Variants in HTR1F observed in about 807,000 individuals in gnomAD.
HTR1F encodes the protein 5-hydroxytryptamine receptor 1F.
A neutral mutation model predicts 24.0 loss-of-function variants in HTR1F; 17 were observed. That is an observed-to-expected ratio of 0.71 (90% confidence interval 0.48 to 1.06). The LOEUF (loss-of-function observed/expected upper bound fraction) is 1.06. Among genes scored for constraint, HTR1F ranks in the 50% least tolerant of loss-of-function variants. The probability of loss-of-function intolerance (pLI) is 0.00; values close to 1 mark genes in which losing one functional copy is unlikely to be tolerated. For missense variants in HTR1F, 391 were observed against 427.8 expected (o/e 0.91, Z 0.76); for synonymous variants, 186 against 156.8 (o/e 1.19, Z -1.39).
intron 1 of HTR1F, among the ~76,000 whole-genome samples, chr3:87,820,331 T>C (rs1344076462): frequency 5.3e-5 from 8 of 151,268 alleles, no homozygotes; most frequent in Non-Finnish European, 7.4e-5. Context: ...CGCCCGCCAC[T>C]ACGCCCGGCT....
chr3:87,854,103 G>A (rs907460285), intron 2 of HTR1F, among the ~76,000 whole-genome samples: 3 of 151,516 alleles, frequency 2.0e-5, no homozygotes, highest in East Asian at 1.9e-4. Flanking sequence ...CACTTTGTTC[G>A]TTTCTTCTTA....
chr3:87,931,531 C>A (rs1487348435), intron 2 of HTR1F, among the ~76,000 whole-genome samples: 1 of 152,062 alleles, frequency 6.6e-6, no homozygotes, highest in Non-Finnish European at 1.5e-5. Context: ...GTCTTTATAG[C>A]AGCATGATTT....
At chr3:87,990,078 A>C (rs567442592) in intron 2 of HTR1F, among the ~76,000 whole-genome samples, 98 of 152,288 alleles carry the variant, frequency 6.4e-4, no homozygotes, top group Non-Finnish European at 1.0e-3. Context: ...TCTCCTGCTA[A>C]ATCGTAAAGG....
At chr3:87,933,117 A>G (rs1339207767) in intron 2 of HTR1F, among the ~76,000 whole-genome samples, 2 of 151,736 alleles carry the variant, frequency 1.3e-5, no homozygotes, top group Admixed American at 1.3e-4. Flanking sequence ...TGATTATCTC[A>G]ATAGATGCAG....
chr3:87,891,301 T>TAA (rs142998497), intron 2 of HTR1F, among the ~76,000 whole-genome samples: 6 of 151,876 alleles, frequency 4.0e-5, no homozygotes, highest in African/African-American at 1.5e-4. Context: ...TTTGTTAAAA[T>TAA]AAAAAAAATG....
intron 2 of HTR1F, among the ~76,000 whole-genome samples, chr3:87,825,349 C>A (rs1356308867): frequency 2.0e-5 from 3 of 152,146 alleles, no homozygotes; most frequent in Non-Finnish European, 4.4e-5. Flanking sequence ...ATATTAATTA[C>A]CACAAATATA....
intron 2 of HTR1F, among the ~76,000 whole-genome samples, chr3:87,933,893 C>G (rs537130813): frequency 6.6e-6 from 1 of 152,292 alleles, no homozygotes; most frequent in East Asian, 1.9e-4. Flanking sequence ...TGCCAAGATA[C>G]TTTCCAGCCT....
chr3:87,815,147 T>A (rs1049681702), intron 1 of HTR1F, among the ~76,000 whole-genome samples: 3 of 152,064 alleles, frequency 2.0e-5, no homozygotes, highest in Non-Finnish European at 4.4e-5. Context: ...AAGGCAGGAA[T>A]GATGTGTCAT....
intron 2 of HTR1F, among the ~76,000 whole-genome samples, chr3:87,831,329 AAATTATTATTATT>A (rs1559597977): frequency 7.4e-6 from 1 of 136,016 alleles, no homozygotes; most frequent in Non-Finnish European, 1.5e-5. Context: ...AGATATTAAG[AAATTATTATTATT>A]ATTATTATTA....
intron 2 of HTR1F, among the ~76,000 whole-genome samples, chr3:87,867,233 T>C (rs1705449450): frequency 6.6e-6 from 1 of 151,928 alleles, no homozygotes; most frequent in South Asian, 2.1e-4. Flanking sequence ...TCAAATTCTT[T>C]GGCATTTTCA....
chr3:87,887,708 G>C (rs575992385), intron 2 of HTR1F, among the ~76,000 whole-genome samples: 1 of 151,970 alleles, frequency 6.6e-6, no homozygotes, highest in Admixed American at 6.6e-5. Flanking sequence ...GCAGCCAAAA[G>C]ACACATGAAA....
intron 2 of HTR1F, among the ~76,000 whole-genome samples, chr3:87,856,924 A>G (rs1413582395): frequency 6.6e-6 from 1 of 152,106 alleles, no homozygotes; most frequent in Non-Finnish European, 1.5e-5. Flanking sequence ...GTCCTTGGGC[A>G]TTATTAGCAA....
chr3:87,978,220 C>T (rs1288798768), intron 2 of HTR1F, among the ~76,000 whole-genome samples: 1 of 152,152 alleles, frequency 6.6e-6, no homozygotes, highest in South Asian at 2.1e-4. Flanking sequence ...CTCCAGAAAT[C>T]GCAGAGACCC....
intron 1 of HTR1F, among the ~76,000 whole-genome samples, chr3:87,805,691 C>A (rs1327305866): frequency 1.3e-5 from 2 of 152,124 alleles, no homozygotes; most frequent in East Asian, 3.9e-4. Flanking sequence ...AGAGCTAATG[C>A]ATGCTAGGCT....
chr3:87,807,928 A>C (rs1371612359), intron 1 of HTR1F, among the ~76,000 whole-genome samples: 4 of 151,782 alleles, frequency 2.6e-5, no homozygotes, highest in African/African-American at 4.8e-5. Context: ...TTGTTTATTG[A>C]TTTGCATGCC....
chr3:87,894,578 T>C (rs1316762905), intron 2 of HTR1F, among the ~76,000 whole-genome samples: 1 of 143,086 alleles, frequency 7.0e-6, no homozygotes, highest in Non-Finnish European at 1.5e-5. Context: ...TTTTTTTTTT[T>C]TTTTTTGAGA....
intron 2 of HTR1F, among the ~76,000 whole-genome samples, chr3:87,908,715 A>G (rs1289928020): frequency 6.6e-6 from 1 of 152,010 alleles, no homozygotes; most frequent in Non-Finnish European, 1.5e-5. Flanking sequence ...ATCATTGTCT[A>G]CAGAATGAAT....
At chr3:87,869,902 T>G (rs758520492) in intron 2 of HTR1F, among the ~76,000 whole-genome samples, 2 of 152,256 alleles carry the variant, frequency 1.3e-5, no homozygotes, top group Non-Finnish European at 2.9e-5. Flanking sequence ...TTAACCATCA[T>G]AGTTGCGAAT....
intron 2 of HTR1F, among the ~76,000 whole-genome samples, chr3:87,930,664 T>C (rs930438319): frequency 6.6e-6 from 1 of 152,118 alleles, no homozygotes; most frequent in Admixed American, 6.6e-5. Context: ...TAAACTTTTT[T>C]ATGTGCTTCT....
Sources: allele counts gnomAD v4.1 joint callset (sites outside exome capture counted in the v4.1 genomes callset), GRCh38; gene constraint gnomAD v4.1.1; transcripts MANE v1.5; gene names NCBI Gene and HGNC (gene_info 2026-07-23, HGNC 2026-07-21).